The following PKD2 variants were observed in gnomAD, a reference collection of about 807,000 sequenced individuals.
The protein encoded by PKD2 is polycystin-2.
Under a neutral mutation model 105.9 loss-of-function variants are expected in PKD2, and 48 were observed. The ratio of observed to expected loss-of-function variants is 0.45; its 90% CI spans 0.36 to 0.58. The LOEUF (loss-of-function observed/expected upper bound fraction) is 0.58, where lower values mean the gene tolerates loss of function less well. PKD2 is among the 20% of genes least tolerant of loss of function. The pLI is 0.00. For synonymous variants in PKD2, 464 were observed against 481.1 expected (o/e 0.96, Z 0.46); for missense variants, 1,078 against 1,255.3 (o/e 0.86, Z 2.13).
chr4:88,075,334 C>G, intron 14 of PKD2, 124 bp from the exon 15 acceptor site: 1 of 837,142 alleles, frequency 1.2e-6, no homozygotes, highest in South Asian at 1.3e-5. Context: ...TCCAGCAACT[C>G]TGAGATTTGC....
At chr4:88,019,365 A>G (rs954041772) in intron 1 of PKD2, 93 bp from the exon 2 acceptor site, 24 of 724,412 alleles carry the variant, frequency 3.3e-5, no homozygotes, top group Non-Finnish European at 5.8e-5. Flanking sequence ...TTATAGGTGA[A>G]CTTTTTAATT....
In PKD2 at chr4:88,036,286, A is replaced by C. The variant is rs768028361; in HGVS notation, c.776A>C (p.Asp259Ala). ...YTRMMSQLFL[D>A]TPVSKTEKTN... ...CGGATGATGTCACAGCTCTTCCTAG[A>C]CACCCCCGTGTCCAAAACGGAGAAA... The change falls in exon 3 of 15, where the codon GAC (aspartate) becomes GCC (alanine). Residue 259 changes from aspartate (D) to alanine (A), a missense_variant. Coordinates refer to ENST00000237596, the MANE Select transcript of PKD2 (RefSeq NM_000297.4). 2 of 1,614,012 alleles carry C rather than the reference A, an allele frequency of 1.2e-6. No individual in the cohort carries two copies. Among genetic ancestry groups the C allele is most frequent in the Non-Finnish European group, 1.7e-6 (2 of 1,179,902 alleles).
intron 4 of PKD2, among the ~76,000 whole-genome samples, chr4:88,041,739 G>A (rs2110110539): frequency 6.6e-6 from 1 of 152,294 alleles, no homozygotes; most frequent in African/African-American, 2.4e-5. Context: ...TATACAAATA[G>A]CACAGGCACA....
At chr4:88,024,614 A>T (rs1389936936) in intron 2 of PKD2, among the ~76,000 whole-genome samples, 1 of 152,100 alleles carries the variant, frequency 6.6e-6, no homozygotes, top group African/African-American at 2.4e-5. Context: ...ATTGAGTAAA[A>T]AATCTATATA....
At chr4:88,073,489 G>A (rs954192964) in intron 13 of PKD2, among the ~76,000 whole-genome samples, 3 of 151,790 alleles carry the variant, frequency 2.0e-5, no homozygotes, top group African/African-American at 7.3e-5. Context: ...TCACGCCACT[G>A]CACTCCAGCC....
chr4:88,075,850 C>T lies in PKD2; in HGVS notation c.*156C>T, dbSNP rs888105603. 2.8e-6 allele frequency: 2 copies of T among 702,672 alleles called. No individual in the cohort carries two copies. The highest frequency in any genetic ancestry group is 2.5e-6 in the Non-Finnish European group (1 of 398,552). 43.5% of individuals were successfully genotyped at this position (702,672 alleles called of 1,614,324 possible). ...TGCACTTTAATTTATTTTATATAAA[C>T]TTTACCCATGGTTCAAAGATTTTTT... On this transcript the variant is annotated 3_prime_UTR_variant, in exon 15 of 15. Transcript: ENST00000237596.
chr4:88,074,153 G>GT lies in PKD2; in HGVS notation c.2523-654dup, dbSNP rs576556013. On this transcript the variant is annotated intron_variant, in intron 13 of 14. Transcript: ENST00000237596. Reference sequence around the variant, plus strand: ...TTGGGTGTTTTTTGTTTGTTTGTTTGTTTTTGAGACTGGGTCTCACTCTGT... The same window carrying GT: ...TTGGGTGTTTTTTGTTTGTTTGTTTGTTTTTTGAGACTGGGTCTCACTCTGT... Among the ~76,000 whole-genome samples, 762 of 152,020 alleles carry GT rather than the reference G, an allele frequency of 5.0e-3. 4 individuals are homozygous for GT. The highest frequency in any genetic ancestry group is 0.016 in the African/African-American group (675 of 41,456).
intron 9 of PKD2, among the ~76,000 whole-genome samples, chr4:88,059,297 C>T (rs1421701851): frequency 6.6e-6 from 1 of 152,162 alleles, no homozygotes; most frequent in Non-Finnish European, 1.5e-5. Context: ...ACTTACACCT[C>T]TTAAGCTTCT....
chr4:88,029,323 A>G (rs1413315902), intron 2 of PKD2, among the ~76,000 whole-genome samples: 1 of 152,160 alleles, frequency 6.6e-6, no homozygotes, highest in Non-Finnish European at 1.5e-5. Flanking sequence ...CTTTTCCACA[A>G]ATAATGCTTC....
chr4:88,050,428 T>C (rs1267471945), intron 6 of PKD2, among the ~76,000 whole-genome samples: 2 of 152,156 alleles, frequency 1.3e-5, no homozygotes, highest in East Asian at 3.9e-4. Context: ...TAGATAGGGA[T>C]GAGAATCCCA....
At chr4:88,073,926 A>C (rs1721132092) in intron 13 of PKD2, among the ~76,000 whole-genome samples, 1 of 152,138 alleles carries the variant, frequency 6.6e-6, no homozygotes. Context: ...CGAGTTTTTA[A>C]AGTATTTGTA....
chr4:88,030,998 A>G (rs1341178904), intron 2 of PKD2, among the ~76,000 whole-genome samples: 1 of 152,200 alleles, frequency 6.6e-6, no homozygotes, highest in African/African-American at 2.4e-5. Flanking sequence ...GGTTCGATTT[A>G]TGATTTTTCA....
At chr4:88,039,766 G>A (rs186837452) in intron 4 of PKD2, among the ~76,000 whole-genome samples, 13 of 151,568 alleles carry the variant, frequency 8.6e-5, no homozygotes, top group South Asian at 2.1e-4. Context: ...TAGTGATTTC[G>A]CTTTCTTTAA....
intron 7 of PKD2, 110 bp downstream of exon 7, chr4:88,052,268 G>A: frequency 1.3e-6 from 1 of 741,980 alleles, no homozygotes; most frequent in South Asian, 1.6e-5. Context: ...ACCAGCCAAA[G>A]CTGCTCAATA....
intron 4 of PKD2, among the ~76,000 whole-genome samples, chr4:88,040,260 T>A (rs1293621242): frequency 1.3e-5 from 2 of 152,150 alleles, no homozygotes; most frequent in African/African-American, 2.4e-5. Flanking sequence ...CTCCTCCATA[T>A]TAATTGCGTC....
chr4:88,034,617 G>A (rs1449048965), intron 2 of PKD2, among the ~76,000 whole-genome samples: 4 of 141,774 alleles, frequency 2.8e-5, no homozygotes, highest in South Asian at 2.2e-4. Flanking sequence ...GCAGTGAGCC[G>A]AGATCACTCC....
intron 14 of PKD2, 134 bp downstream of exon 14, chr4:88,075,093 T>C: frequency 1.1e-6 from 1 of 931,734 alleles, no homozygotes. Context: ...CACAATGATG[T>C]TTCCATTTAC....
intron 2 of PKD2, among the ~76,000 whole-genome samples, chr4:88,031,671 A>T (rs780172187): frequency 8.5e-5 from 13 of 152,366 alleles, no homozygotes; most frequent in Non-Finnish European, 4.4e-5. Context: ...CATATATTTA[A>T]TTCAAACCCT....
chr4:88,040,988 A>G (rs1456311458), intron 4 of PKD2, among the ~76,000 whole-genome samples: 2 of 152,176 alleles, frequency 1.3e-5, no homozygotes, highest in Non-Finnish European at 2.9e-5. Flanking sequence ...TGGAGAAACA[A>G]AGCAGCAGGA....
Sources: allele counts gnomAD v4.1 joint callset (sites outside exome capture counted in the v4.1 genomes callset), GRCh38; gene constraint gnomAD v4.1.1; transcripts MANE v1.5; gene names NCBI Gene and HGNC (gene_info 2026-07-23, HGNC 2026-07-21).